The following RSPO3 variants were observed in gnomAD, a reference collection of about 807,000 sequenced individuals.
The protein encoded by RSPO3 is R-spondin 3.
RSPO3 carries 17 observed loss-of-function variants against 36.5 expected under a neutral mutation model. The ratio of observed to expected loss-of-function variants is 0.47; its 90% confidence interval spans 0.32 to 0.70. The LOEUF is 0.70. Ranked by LOEUF, RSPO3 falls within the 30% of genes least tolerant of loss-of-function variation. The probability of loss-of-function intolerance (pLI) is 0.04; values close to 1 mark genes in which losing one functional copy is unlikely to be tolerated. For synonymous variants in RSPO3, 108 were observed against 107.0 expected, an observed-to-expected ratio of 1.01 and a Z score of -0.06; for missense variants, 294 against 322.5, an observed-to-expected ratio of 0.91 and a Z score of 0.68.
At chr6:127,159,067 C>G (rs901276779) in intron 4 of RSPO3, among the ~76,000 whole-genome samples, 12 of 151,966 alleles carry the variant, frequency 7.9e-5, no homozygotes, top group Non-Finnish European at 1.3e-4. Context: ...TATTTATTGA[C>G]TTTTTTGACA....
chr6:127,166,140 T>C (rs1385765451), intron 4 of RSPO3, among the ~76,000 whole-genome samples: 4 of 151,994 alleles, frequency 2.6e-5, no homozygotes, highest in African/African-American at 7.2e-5. Context: ...GAATAAATTG[T>C]GCACCTTAGT....
At chr6:127,187,522 A>G (rs1775320956) in intron 4 of RSPO3, among the ~76,000 whole-genome samples, 1 of 152,184 alleles carries the variant, frequency 6.6e-6, no homozygotes, top group Non-Finnish European at 1.5e-5. Context: ...AGTAAGAATG[A>G]GAATAAATTT....
Position 127,155,326 on chromosome 6 carries a change from A to G in RSPO3, c.522A>G (p.Thr174=). The part of the protein sequence containing the change: ...KTCGFKRGTE[T]RVREIIQHPS... ...GTGGCTTCAAAAGAGGGACTGAAACACGGGTCCGAGAAATAATACAGCATC... is the reference window on the plus strand; with the variant it reads ...GTGGCTTCAAAAGAGGGACTGAAACGCGGGTCCGAGAAATAATACAGCATC... Residue 174 remains threonine (T), a synonymous_variant, in exon 4 of 5, where the codon ACA becomes ACG. Transcript: ENST00000356698. 1.9e-6 allele frequency: 3 copies of G among 1,613,990 alleles called. No homozygotes were observed. In the South Asian group the frequency reaches 3.3e-5, roughly 18 times the overall value.
At chr6:127,156,566 A>T (rs1774601353) in intron 4 of RSPO3, among the ~76,000 whole-genome samples, 1 of 152,134 alleles carries the variant, frequency 6.6e-6, no homozygotes, top group South Asian at 2.1e-4. Flanking sequence ...ATTTCTCCAT[A>T]GTTGACCTTT....
In RSPO3 at chr6:127,144,656, T is replaced by TTTTTTTTTTTTTTTC. The variant is rs1554220622; in HGVS notation, c.98-3992_98-3991insTTTTTTTTTTTTTTC. ...TAGCTTCCCCTTGTTTTTTTTTTTT[T>TTTTTTTTTTTTTTTC]CAGACAGAGTCTCACTCTGTCACCC... On this transcript the variant is annotated intron_variant, in intron 1 of 4. Coordinates refer to ENST00000356698, the MANE Select transcript of RSPO3 (RefSeq NM_032784.5). Among the ~76,000 whole-genome samples the TTTTTTTTTTTTTTTC allele has an allele frequency of 3.4e-5, 5 of 147,790 alleles. No homozygotes were observed. The East Asian group carries it at 1.0e-3, about 30-fold the overall frequency.
chr6:127,136,347 A>T (rs1302665334), intron 1 of RSPO3, among the ~76,000 whole-genome samples: 1 of 152,194 alleles, frequency 6.6e-6, no homozygotes, highest in Non-Finnish European at 1.5e-5. Context: ...CTAAAGTAAG[A>T]TGGCTCATGA....
At chr6:127,173,484 A>G (rs1774984314) in intron 4 of RSPO3, among the ~76,000 whole-genome samples, 1 of 151,920 alleles carries the variant, frequency 6.6e-6, no homozygotes, top group Non-Finnish European at 1.5e-5. Context: ...AAAGGTTGTT[A>G]AAATTAATAC....
At chr6:127,144,640 C>CTTCTTTTTTTTTTTTTTT (rs140423963) in intron 1 of RSPO3, among the ~76,000 whole-genome samples, 1 of 61,330 alleles carries the variant, frequency 1.6e-5, no homozygotes, top group East Asian at 4.7e-4. Context: ...GTAGCTTCCC[C>CTTCTTTTTTTTTTTTTTT]TTGTTTTTTT....
intron 4 of RSPO3, among the ~76,000 whole-genome samples, chr6:127,178,581 C>A (rs1354283219): frequency 6.6e-6 from 1 of 151,652 alleles, no homozygotes; most frequent in Admixed American, 6.6e-5. Flanking sequence ...TTACATTATA[C>A]ACACACAAAC....
intron 1 of RSPO3, among the ~76,000 whole-genome samples, chr6:127,128,025 T>C (rs1773971750): frequency 6.6e-6 from 1 of 152,080 alleles, no homozygotes; most frequent in Admixed American, 6.6e-5. Context: ...ACAGTTTATA[T>C]GAAAGACTCT....
chr6:127,118,928 C>T lies in RSPO3; in HGVS notation c.-265C>T, dbSNP rs1773773798. 2 of 280,342 alleles carry T rather than the reference C, an allele frequency of 7.1e-6. No homozygotes were observed. Among genetic ancestry groups the T allele is most frequent in the Non-Finnish European group, 1.3e-5 (2 of 151,892 alleles). The allele number at this position is 280,342 out of a possible 1,614,324, so 17.4% of individuals were successfully genotyped here. A position where few individuals can be genotyped will look rare whatever the true frequency, so the allele number is the denominator to read the frequency against. Reference sequence around the variant, plus strand: ...GCGGCCGCCCCGGCGGCTCCTGGAACCCCGGTTCGCGGCGATGCCAGCCAC... The same window carrying T: ...GCGGCCGCCCCGGCGGCTCCTGGAATCCCGGTTCGCGGCGATGCCAGCCAC... On this transcript the variant is annotated 5_prime_UTR_variant, in exon 1 of 5. Transcript: ENST00000356698.
chr6:127,190,345 T>C (rs1428085915), intron 4 of RSPO3, among the ~76,000 whole-genome samples: 2 of 152,106 alleles, frequency 1.3e-5, no homozygotes, highest in Admixed American at 6.6e-5. Context: ...GGAGAATCAC[T>C]TGAACCTGGG....
In RSPO3 at chr6:127,176,214, T is replaced by A. The variant is rs191710311; in HGVS notation, c.635-19609T>A. ...AATATAGATTTATGAGATACTTTAATGTTCTAAAACAAATGAAAACCACCC... is the reference window on the plus strand; with the variant it reads ...AATATAGATTTATGAGATACTTTAAAGTTCTAAAACAAATGAAAACCACCC... On this transcript the variant is annotated intron_variant, in intron 4 of 4. Coordinates refer to ENST00000356698, the MANE Select transcript of RSPO3 (RefSeq NM_032784.5). 1.1e-4 allele frequency among the ~76,000 whole-genome samples: 17 copies of A among 151,914 alleles called. No homozygotes were observed. In the South Asian group the frequency reaches 1.7e-3, roughly 15 times the overall value.
intron 3 of RSPO3, among the ~76,000 whole-genome samples, chr6:127,153,754 A>T (rs1214922441): frequency 6.6e-6 from 1 of 152,138 alleles, no homozygotes; most frequent in Non-Finnish European, 1.5e-5. Flanking sequence ...TACTGGACAA[A>T]GTGACAGCTC....
At chr6:127,122,091 C>A (rs1341006171) in intron 1 of RSPO3, among the ~76,000 whole-genome samples, 1 of 152,178 alleles carries the variant, frequency 6.6e-6, no homozygotes, top group African/African-American at 2.4e-5. Context: ...TCCAAAGAAT[C>A]ATGCATTATC....
Position 127,164,586 on chromosome 6 carries a change from T to C in RSPO3, c.634+9148T>C, listed in dbSNP as rs558676832. Reference sequence around the variant, plus strand: ...CTTTAAATGAATAGAAAAAATAATCTACTATGCATATGAATGGTTTCTGGA... The same window carrying C: ...CTTTAAATGAATAGAAAAAATAATCCACTATGCATATGAATGGTTTCTGGA... On this transcript the variant is annotated intron_variant, in intron 4 of 4. Transcript: ENST00000356698. 5.9e-5 allele frequency among the ~76,000 whole-genome samples: 9 copies of C among 152,164 alleles called. No individual in the cohort carries two copies. The East Asian group carries it at 1.6e-3, about 26-fold the overall frequency.
chr6:127,176,752 T>TA (rs1434463983), intron 4 of RSPO3, among the ~76,000 whole-genome samples: 2 of 151,762 alleles, frequency 1.3e-5, no homozygotes. Context: ...TATAATTATT[T>TA]AAATTCAAAT....
At chr6:127,182,628 A>C (rs2114634511) in intron 4 of RSPO3, among the ~76,000 whole-genome samples, 1 of 151,996 alleles carries the variant, frequency 6.6e-6, no homozygotes, top group South Asian at 2.1e-4. Context: ...TCTTCCCATT[A>C]ATTGCATTGC....
At chr6:127,174,668 A>C (rs1267917750) in intron 4 of RSPO3, among the ~76,000 whole-genome samples, 2 of 151,840 alleles carry the variant, frequency 1.3e-5, no homozygotes, top group Non-Finnish European at 2.9e-5. Context: ...TCAAAGATTT[A>C]AGTGTATGTG....
Sources: allele counts gnomAD v4.1 joint callset (sites outside exome capture counted in the v4.1 genomes callset), GRCh38; gene constraint gnomAD v4.1.1; transcripts MANE v1.5; gene names NCBI Gene and HGNC (gene_info 2026-07-23, HGNC 2026-07-21).